Variants in KCTD2 observed in about 807,000 individuals in gnomAD.
The protein encoded by KCTD2 is BTB/POZ domain-containing protein KCTD2.
In KCTD2, 18 loss-of-function variants were observed where a neutral mutation model predicts 27.9. That is an observed-to-expected ratio of 0.64 (90% CI 0.45 to 0.96). The LOEUF is 0.96. Among genes scored for constraint, KCTD2 ranks in the 40% least tolerant of loss-of-function variants. The pLI is 0.00. For missense variants in KCTD2, 280 were observed against 348.0 expected (o/e 0.80, Z 1.56); for synonymous variants, 175 against 148.4 (o/e 1.18, Z -1.30).
At chr17:75,058,670 G>T (rs1291955897) in intron 3 of KCTD2, among the ~76,000 whole-genome samples, 1 of 147,108 alleles carries the variant, frequency 6.8e-6, no homozygotes, top group Non-Finnish European at 1.5e-5. Flanking sequence ...TTAGCGGCAG[G>T]CGCCTGTAAT....
intron 1 of KCTD2, 84 bp downstream of exon 1, chr17:75,047,673 T>C: frequency 7.1e-7 from 1 of 1,400,268 alleles, no homozygotes; most frequent in Non-Finnish European, 9.5e-7. Context: ...TGAGACACGC[T>C]CCTCACAGGC....
rs538508661 is a variant in KCTD2 at position 75,061,443 on chromosome 17, G to A, written c.637-677G>A. 7.9e-5 allele frequency among the ~76,000 whole-genome samples: 12 copies of A among 152,254 alleles called. No individual in the cohort carries two copies. The South Asian group carries it at 8.3e-4, about 11-fold the overall frequency. ...GAGGATTGCTTGAGTCCTGGAGTTC[G>A]GAGACCAGCCTGGGCAACATAGCGA... On this transcript the variant is annotated intron_variant, in intron 4 of 5. Coordinates refer to ENST00000322444, the MANE Select transcript of KCTD2 (RefSeq NM_015353.3).
At chr17:75,038,392 C>G (rs1348968784) in intron 3 of KCTD2, among the ~76,000 whole-genome samples, 1 of 152,222 alleles carries the variant, frequency 6.6e-6, no homozygotes. Context: ...ATCCACCCGC[C>G]TGGGCCTCCC....
chr17:75,049,103 A>G (rs1411836957), intron 1 of KCTD2, 117 bp from the exon 2 acceptor site: 1 of 607,918 alleles, frequency 1.6e-6, no homozygotes, highest in African/African-American at 1.8e-5. Context: ...AGTCTTTTTT[A>G]GCTGATGGAA....
At chr17:75,050,291 T>G (rs1051155484) in intron 2 of KCTD2, among the ~76,000 whole-genome samples, 1 of 152,192 alleles carries the variant, frequency 6.6e-6, no homozygotes, top group Non-Finnish European at 1.5e-5. Context: ...TTTTTCTTTT[T>G]TTTTTCTTCG....
At chr17:75,052,885 C>A in intron 2 of KCTD2, 129 bp from the exon 3 acceptor site, 1 of 720,402 alleles carries the variant, frequency 1.4e-6, no homozygotes, top group Non-Finnish European at 2.4e-6. Context: ...CAGAGTAAGA[C>A]TCCGTCTCAA....
intron 3 of KCTD2, among the ~76,000 whole-genome samples, chr17:75,058,142 G>A (rs1217123965): frequency 1.3e-5 from 2 of 151,844 alleles, no homozygotes; most frequent in African/African-American, 2.4e-5. Flanking sequence ...TGGCCAACAT[G>A]GTGAGACTTC....
intron 1 of KCTD2, 133 bp downstream of exon 1, chr17:75,047,722 C>A: frequency 1.2e-6 from 1 of 801,660 alleles, no homozygotes; most frequent in Non-Finnish European, 1.9e-6. Flanking sequence ...CCCCTCCCTC[C>A]CACACTACTC....
In KCTD2 at chr17:75,039,353, C is replaced by T. The variant is rs1005907784; in HGVS notation, c.-259+3996C>T. ...CTGCTAAGGTAGGAGTCGTCCCAGC[C>T]CACTCCTGCTGTCCTATTGCTCTAT... On this transcript the variant is annotated intron_variant, in intron 3 of 7. Transcript: ENST00000581589. The T allele has an allele frequency of 9.5e-6, 12 of 1,260,310 alleles. No homozygotes were observed. In the East Asian group the frequency reaches 2.3e-4, roughly 24 times the overall value. The allele number at this position is 1,260,310 out of a possible 1,614,324, so 78.1% of individuals were successfully genotyped here.
At position 75,036,355 on chromosome 17, in the gene KCTD2, T is replaced by C. The variant is rs190831396; in HGVS notation, c.-259+998T>C. 5.7e-4 allele frequency among the ~76,000 whole-genome samples: 87 copies of C among 152,030 alleles called. 2 individuals are homozygous for C. The East Asian group carries it at 0.012, about 21-fold the overall frequency. The stretch of plus-strand genomic sequence containing the variant: ...CCAGGATGGTCTCAATTTCCTGACC[T>C]AGTGATCCGCTCACCTCGGCCTCCC... On this transcript the variant is annotated intron_variant, in intron 3 of 7. Coordinates refer to the KCTD2 transcript ENST00000581589.
At chr17:75,056,986 G>A (rs1056277039) in intron 3 of KCTD2, among the ~76,000 whole-genome samples, 1 of 123,330 alleles carries the variant, frequency 8.1e-6, no homozygotes, top group Non-Finnish European at 1.6e-5. Flanking sequence ...ACAGAGTCTC[G>A]CTGTGTTGAC....
upstream of KCTD2, among the ~76,000 whole-genome samples, chr17:75,042,993 G>T (rs893947399): frequency 6.6e-6 from 1 of 152,140 alleles, no homozygotes; most frequent in Non-Finnish European, 1.5e-5. Context: ...AGGCCAAGAC[G>T]GTTGGATCAC....
chr17:75,063,246 T>A lies in KCTD2; in HGVS notation c.*199T>A. The A allele has an allele frequency of 1.6e-6, 1 of 613,724 alleles. No homozygotes were observed. The highest frequency in any genetic ancestry group is 2.9e-6 in the Non-Finnish European group (1 of 344,972). 38.0% of individuals were successfully genotyped at this position (613,724 alleles called of 1,614,324 possible). ...CTCCGAAGACAGTGCGACTTCTGGC[T>A]GCAGAATACCTTTTCAGAAACCTGC... is the stretch of plus-strand genomic sequence containing the variant. On this transcript the variant is annotated 3_prime_UTR_variant, in exon 6 of 6. Transcript: ENST00000322444.
At chr17:75,042,288 G>T, upstream of KCTD2, 2 of 1,613,020 alleles carry the variant, frequency 1.2e-6, no homozygotes, top group Non-Finnish European at 1.7e-6. Context: ...CTGCCCACAA[G>T]GAAAGGCAAA....
At chr17:75,037,933 G>A (rs1190569029) in intron 3 of KCTD2, among the ~76,000 whole-genome samples, 2 of 151,634 alleles carry the variant, frequency 1.3e-5, no homozygotes, top group African/African-American at 2.4e-5. Flanking sequence ...CCTGTAGTCC[G>A]AGCTACTCAG....
intron 5 of KCTD2, 92 bp downstream of exon 5, chr17:75,062,337 C>A (rs566542553): frequency 7.8e-7 from 1 of 1,277,912 alleles, no homozygotes; most frequent in East Asian, 2.5e-5. Context: ...CTCACTTCTT[C>A]CCTGGCCTTC....
intron 4 of KCTD2, among the ~76,000 whole-genome samples, chr17:75,060,850 C>A (rs2073397805): frequency 6.6e-6 from 1 of 152,228 alleles, no homozygotes; most frequent in African/African-American, 2.4e-5. Flanking sequence ...TGCATTAATG[C>A]TGTTATCTCA....
chr17:75,041,175 A>C (rs2073155779), intron 3 of KCTD2: 1 of 152,120 alleles, frequency 6.6e-6, no homozygotes, highest in Non-Finnish European at 1.5e-5. Flanking sequence ...TCTGGGCAAC[A>C]TGGCGAAACC....
rs908950853 is a variant in KCTD2, at chr17:75,064,152, C to G, written c.*1105C>G. ...TGGGGACCCCCTGTGTCTCTGACCA[C>G]CCCCCTGACCCCCGCCATTACTTTC... is the stretch of plus-strand genomic sequence containing the variant. On this transcript the variant is annotated 3_prime_UTR_variant, in exon 6 of 6. Transcript: ENST00000322444. The G allele has an allele frequency of 6.6e-6, 1 of 152,624 alleles. No individual in the cohort carries two copies. Among genetic ancestry groups the G allele is most frequent in the East Asian group, 1.9e-4 (1 of 5,200 alleles). The allele number at this position is 152,624 out of a possible 1,614,324, so 9.5% of individuals were successfully genotyped here. A position where few individuals can be genotyped will look rare whatever the true frequency, so the allele number is the denominator to read the frequency against.
Sources: allele counts gnomAD v4.1 joint callset (sites outside exome capture counted in the v4.1 genomes callset), GRCh38; gene constraint gnomAD v4.1.1; transcripts MANE v1.5; gene names NCBI Gene and HGNC (gene_info 2026-07-23, HGNC 2026-07-21).